Variants in MUSK observed in about 807,000 individuals in gnomAD.
MUSK encodes the protein muscle, skeletal receptor tyrosine-protein kinase.
In MUSK, 55 loss-of-function variants were observed where a neutral mutation model predicts 88.7. The ratio of observed to expected loss-of-function variants is 0.62; its 90% CI spans 0.50 to 0.78. MUSK has a LOEUF of 0.78. Among genes scored for constraint, MUSK ranks in the 30% least tolerant of loss-of-function variants. The pLI, the probability that MUSK is intolerant of heterozygous loss-of-function variation, is 0.00. For missense variants in MUSK, 1,015 were observed against 1,074.3 expected, an observed-to-expected ratio of 0.94 and a Z score of 0.77; for synonymous variants, 387 against 391.9, an observed-to-expected ratio of 0.99 and a Z score of 0.15.
intron 5 of MUSK, among the ~76,000 whole-genome samples, chr9:110,707,088 G>C (rs2076609933): frequency 6.6e-6 from 1 of 152,086 alleles, no homozygotes; most frequent in African/African-American, 2.4e-5. Context: ...AGGGGCTCAT[G>C]CCTGTAATCC....
At chr9:110,740,446 G>A (rs998017423) in intron 6 of MUSK, among the ~76,000 whole-genome samples, 10 of 152,132 alleles carry the variant, frequency 6.6e-5, no homozygotes, top group East Asian at 3.9e-4. Flanking sequence ...AATGATGAGC[G>A]CCAAAAATCC....
At position 110,675,562 on chromosome 9, in the gene MUSK, CTTTTTTTTTT is replaced by C. The variant is rs10607243; in HGVS notation, c.79+6595_79+6604del. 1.6e-3 allele frequency among the ~76,000 whole-genome samples: 100 copies of C among 61,630 alleles called. 1 individual carries two copies. The highest frequency in any genetic ancestry group is 6.5e-3 in the African/African-American group (89 of 13,664). 40.4% of individuals were successfully genotyped at this position (61,630 alleles called of 152,430 possible). A position where few individuals can be genotyped will look rare whatever the true frequency, so the allele number is the denominator to read the frequency against. On this transcript the variant is annotated intron_variant, in intron 1 of 14. Coordinates refer to ENST00000374448, the MANE Select transcript of MUSK (RefSeq NM_005592.4). The stretch of plus-strand genomic sequence containing the variant: ...ATGTGTAGTTGCTCAATAGTCTTCC[CTTTTTTTTTT>C]TTTTTTTTTTTTTTTGGGACTGAGT...
chr9:110,762,792 G>A (rs569132992), intron 8 of MUSK, among the ~76,000 whole-genome samples: 1 of 152,272 alleles, frequency 6.6e-6, no homozygotes, highest in African/African-American at 2.4e-5. Context: ...ACTCTATGGA[G>A]TGTAATTAAT....
intron 7 of MUSK, among the ~76,000 whole-genome samples, chr9:110,757,616 T>C (rs2077343636): frequency 6.6e-6 from 1 of 151,958 alleles, no homozygotes; most frequent in Non-Finnish European, 1.5e-5. Context: ...TCCAGTCATT[T>C]TGAACACTTG....
intron 5 of MUSK, among the ~76,000 whole-genome samples, chr9:110,726,698 A>G (rs373721889): frequency 6.8e-4 from 103 of 152,202 alleles, no homozygotes; most frequent in African/African-American, 2.4e-3. Flanking sequence ...AACCACTCTA[A>G]GTTACTTGGC....
At chr9:110,785,831 CATAT>C (rs60715454) in intron 13 of MUSK, 113 bp downstream of exon 13, 173 of 475,336 alleles carry the variant, frequency 3.6e-4, no homozygotes, top group South Asian at 6.5e-4. Flanking sequence ...TATACACACA[CATAT>C]ATATATATAT....
At chr9:110,770,927 C>T (rs974759649) in intron 9 of MUSK, among the ~76,000 whole-genome samples, 1 of 151,842 alleles carries the variant, frequency 6.6e-6, no homozygotes, top group East Asian at 1.9e-4. Context: ...AGAATTTGTA[C>T]ATTTTAGAGT....
intron 11 of MUSK, among the ~76,000 whole-genome samples, chr9:110,784,383 T>C (rs1021036297): frequency 6.6e-6 from 1 of 152,178 alleles, no homozygotes; most frequent in Admixed American, 6.5e-5. Flanking sequence ...CCTAATATTT[T>C]CATTTTTCAT....
At chr9:110,768,115 T>A in intron 9 of MUSK, 32 bp downstream of exon 9, 1 of 1,567,426 alleles carries the variant, frequency 6.4e-7, no homozygotes, top group Non-Finnish European at 8.7e-7. Context: ...AAAGGAAAAA[T>A]TCCATTTTTC....
At chr9:110,711,837 G>C (rs905824893) in intron 5 of MUSK, among the ~76,000 whole-genome samples, 1 of 152,162 alleles carries the variant, frequency 6.6e-6, no homozygotes, top group African/African-American at 2.4e-5. Flanking sequence ...AACAATTTGT[G>C]CTTAAATGGA....
intron 3 of MUSK, among the ~76,000 whole-genome samples, chr9:110,690,926 A>G (rs10817075): frequency 0.69 from 101,881 of 146,694 alleles, 36,702 homozygotes; most frequent in African/African-American, 0.86. Context: ...GTGCAGTGGC[A>G]TGATCATGGC....
At chr9:110,730,157 A>C (rs2076944639) in intron 5 of MUSK, among the ~76,000 whole-genome samples, 1 of 152,038 alleles carries the variant, frequency 6.6e-6, no homozygotes, top group Non-Finnish European at 1.5e-5. Context: ...TTAAAGCCCC[A>C]AACTCATGAA....
chr9:110,804,372 T>C lies in MUSK; in HGVS notation c.*3384T>C, dbSNP rs957005556. Among the ~76,000 whole-genome samples the C allele has an allele frequency of 2.6e-5, 4 of 152,146 alleles. No individual in the cohort carries two copies. Among genetic ancestry groups the C allele is most frequent in the African/African-American group, 9.6e-5 (4 of 41,458 alleles). ...CAGAAATATTACTGCCACTTCTACATTGTACAAGAGATCTCATAGCCCTAA... is the reference window on the plus strand; with the variant it reads ...CAGAAATATTACTGCCACTTCTACACTGTACAAGAGATCTCATAGCCCTAA... On this transcript the variant is annotated 3_prime_UTR_variant, in exon 15 of 15. Transcript: ENST00000374448.
At chr9:110,699,550 G>T (rs374538449) in intron 5 of MUSK, among the ~76,000 whole-genome samples, 69 of 152,166 alleles carry the variant, frequency 4.5e-4, no homozygotes, top group African/African-American at 1.5e-3. Context: ...AATAGTTGAG[G>T]TATTTTCATA....
At chr9:110,706,867 G>A (rs138824256) in intron 5 of MUSK, among the ~76,000 whole-genome samples, 77 of 152,194 alleles carry the variant, frequency 5.1e-4, no homozygotes, top group Admixed American at 8.5e-4. Context: ...AGCCGGGCAT[G>A]GTGGTGCACA....
intron 7 of MUSK, among the ~76,000 whole-genome samples, chr9:110,749,327 G>T (rs763360173): frequency 5.0e-4 from 76 of 152,162 alleles, no homozygotes; most frequent in Admixed American, 1.4e-3. Context: ...AGAGAGGCAG[G>T]ATGTCAGGGA....
chr9:110,801,873 A>T lies in MUSK; in HGVS notation c.*885A>T, dbSNP rs563607457. On this transcript the variant is annotated 3_prime_UTR_variant, in exon 15 of 15. Coordinates refer to ENST00000374448, the MANE Select transcript of MUSK (RefSeq NM_005592.4). ...TTTCTTTTATTTCATTCATGTAATA[A>T]ACACTCTGGCAGAAATAATAACATT... 1.3e-5 allele frequency among the ~76,000 whole-genome samples: 2 copies of T among 152,126 alleles called. No individual in the cohort carries two copies. The highest frequency in any genetic ancestry group is 4.8e-5 in the African/African-American group (2 of 41,404).
chr9:110,705,001 A>C (rs2076578062), intron 5 of MUSK, among the ~76,000 whole-genome samples: 1 of 151,570 alleles, frequency 6.6e-6, no homozygotes, highest in African/African-American at 2.4e-5. Flanking sequence ...AAAAAAAAGA[A>C]AGAAAGAAAA....
In MUSK at chr9:110,806,418, C is replaced by T. The variant is rs2078163146; in HGVS notation, c.*5430C>T. ...AGTCAACTATACACCTATTTCTACG[C>T]TGTCAACTATATGTTCATTTCTATG... is the stretch of plus-strand genomic sequence containing the variant. On this transcript the variant is annotated 3_prime_UTR_variant, in exon 15 of 15. Coordinates refer to ENST00000374448, the MANE Select transcript of MUSK (RefSeq NM_005592.4). Among the ~76,000 whole-genome samples, 1 of 152,176 alleles carries T rather than the reference C, an allele frequency of 6.6e-6. No individual in the cohort carries two copies. The highest frequency in any genetic ancestry group is 2.4e-5 in the African/African-American group (1 of 41,442).
Sources: gnomAD v4.1 joint callset for allele counts (sites outside exome capture counted in the v4.1 genomes callset) on GRCh38, gnomAD v4.1.1 for gene constraint, MANE v1.5 for transcripts, NCBI Gene and HGNC (gene_info 2026-07-23, HGNC 2026-07-21) for gene names.